The following LRMDA variants were observed in gnomAD, a reference collection of about 807,000 sequenced individuals.
LRMDA encodes the protein leucine-rich melanocyte differentiation-associated protein.
Under a neutral mutation model 29.8 loss-of-function variants are expected in LRMDA, and 18 were observed. The observed-to-expected ratio is 0.60, with a 90% confidence interval of 0.42 to 0.90. LRMDA has a LOEUF of 0.90. LRMDA is among the 40% of genes least tolerant of loss of function. The probability of loss-of-function intolerance (pLI) is 0.00; values close to 1 mark genes in which losing one functional copy is unlikely to be tolerated. For missense variants in LRMDA, 273 were observed against 273.9 expected (o/e 1.00, Z 0.02); for synonymous variants, 125 against 109.4 (o/e 1.14, Z -0.89).
At chr10:76,342,299 A>G (rs1182136213) in intron 6 of LRMDA, among the ~76,000 whole-genome samples, 1 of 152,208 alleles carries the variant, frequency 6.6e-6, no homozygotes. Flanking sequence ...AAAAGATAAC[A>G]TATAAGCCTA....
intron 5 of LRMDA, among the ~76,000 whole-genome samples, chr10:76,309,756 C>T (rs867179115): frequency 6.6e-6 from 1 of 152,122 alleles, no homozygotes; most frequent in Non-Finnish European, 1.5e-5. Context: ...GTTTGCTGTC[C>T]ACCCTCTGGC....
chr10:76,406,468 A>G lies in LRMDA; in HGVS notation c.601+81983A>G, dbSNP rs111759032. Among the ~76,000 whole-genome samples, 125 of 152,366 alleles carry G rather than the reference A, an allele frequency of 8.2e-4. 1 individual carries two copies. The highest frequency in any genetic ancestry group is 2.9e-3 in the African/African-American group (120 of 41,598). ...TTAACAAAATAGCAGTAAGATGTAT[A>G]GGCAGTTGGAGATACCCGTTGAGCC... On this transcript the variant is annotated intron_variant, in intron 6 of 6. Transcript: ENST00000611255.
chr10:75,527,094 A>G (rs1456245365), intron 2 of LRMDA, among the ~76,000 whole-genome samples: 1 of 152,064 alleles, frequency 6.6e-6, no homozygotes, highest in Admixed American at 6.6e-5. Flanking sequence ...AAATTTGCCT[A>G]TTTTGGATAT....
chr10:75,923,470 TAGG>T (rs913276561), intron 2 of LRMDA, among the ~76,000 whole-genome samples: 16 of 152,226 alleles, frequency 1.1e-4, no homozygotes, highest in African/African-American at 3.6e-4. Context: ...AGGAACTCCA[TAGG>T]AGAGGAAAAC....
intron 2 of LRMDA, among the ~76,000 whole-genome samples, chr10:75,644,672 G>T (rs1398691641): frequency 6.6e-6 from 1 of 152,098 alleles, no homozygotes; most frequent in Non-Finnish European, 1.5e-5. Flanking sequence ...TTAGGCTTTT[G>T]TGTGCTAGCT....
At chr10:76,016,141 G>A (rs946916707) in intron 2 of LRMDA, among the ~76,000 whole-genome samples, 6 of 152,142 alleles carry the variant, frequency 3.9e-5, no homozygotes, top group African/African-American at 7.2e-5. Flanking sequence ...TTTAAGTGCA[G>A]CAGTTGTCTA....
In LRMDA at chr10:76,148,786, C is replaced by T. The variant is rs376950993; in HGVS notation, c.516+90003C>T. ...AATCACCCATCTTCTGTGTTGCTCACGCTCGGAGCTGTAGATCGGAGGTGT... is the reference window on the plus strand; with the variant it reads ...AATCACCCATCTTCTGTGTTGCTCATGCTCGGAGCTGTAGATCGGAGGTGT... On this transcript the variant is annotated intron_variant, in intron 5 of 6. Transcript: ENST00000611255. Among the ~76,000 whole-genome samples the T allele has an allele frequency of 2.2e-4, 33 of 152,284 alleles. No individual in the cohort carries two copies. In the East Asian group the frequency reaches 3.7e-3, roughly 17 times the overall value.
chr10:76,376,942 A>G (rs1232657217), intron 6 of LRMDA, among the ~76,000 whole-genome samples: 3 of 121,880 alleles, frequency 2.5e-5, no homozygotes, highest in African/African-American at 9.4e-5. Context: ...CTGGAGTGCA[A>G]TGGCGCGATC....
At chr10:76,420,496 G>T (rs897392782) in intron 6 of LRMDA, among the ~76,000 whole-genome samples, 10 of 151,656 alleles carry the variant, frequency 6.6e-5, no homozygotes, top group Admixed American at 2.0e-4. Flanking sequence ...AAAAGTTTTG[G>T]CTTTGTTGGC....
intron 6 of LRMDA, among the ~76,000 whole-genome samples, chr10:76,465,231 G>T (rs1002001052): frequency 6.6e-6 from 1 of 152,120 alleles, no homozygotes; most frequent in African/African-American, 2.4e-5. Flanking sequence ...GGGTCACCAG[G>T]AATATTTGTG....
intron 2 of LRMDA, among the ~76,000 whole-genome samples, chr10:75,569,029 T>TA (rs1206827805): frequency 1.3e-5 from 2 of 152,166 alleles, no homozygotes; most frequent in East Asian, 3.8e-4. Flanking sequence ...TCTTTGTTGT[T>TA]ACTGGTGGGG....
At chr10:76,546,428 G>T (rs1451181301) in intron 6 of LRMDA, among the ~76,000 whole-genome samples, 1 of 152,166 alleles carries the variant, frequency 6.6e-6, no homozygotes, top group Non-Finnish European at 1.5e-5. Flanking sequence ...TGTCTTATGT[G>T]TGAAAATTCA....
At chr10:75,915,452 T>A (rs1328920789) in intron 2 of LRMDA, among the ~76,000 whole-genome samples, 2 of 151,736 alleles carry the variant, frequency 1.3e-5, no homozygotes, top group African/African-American at 4.8e-5. Context: ...TTTATTTATT[T>A]ATTAATTAAA....
chr10:75,948,342 A>G (rs921712216), intron 2 of LRMDA, among the ~76,000 whole-genome samples: 1 of 152,180 alleles, frequency 6.6e-6, no homozygotes, highest in Admixed American at 6.5e-5. Context: ...TGATATCCCC[A>G]TTATGTGGCA....
intron 5 of LRMDA, among the ~76,000 whole-genome samples, chr10:76,127,330 C>T (rs1029309173): frequency 6.6e-6 from 1 of 152,200 alleles, no homozygotes; most frequent in Non-Finnish European, 1.5e-5. Flanking sequence ...CACTCTTAAC[C>T]AACTTGCATT....
intron 2 of LRMDA, among the ~76,000 whole-genome samples, chr10:75,619,030 C>T (rs180878978): frequency 6.6e-6 from 1 of 152,136 alleles, no homozygotes; most frequent in Admixed American, 6.5e-5. Context: ...ATCTCCTGAC[C>T]TCGTGATCTG....
chr10:75,513,699 CCCGGTGTCACTCCAACCT>C (rs1205251258), intron 2 of LRMDA, among the ~76,000 whole-genome samples: 1 of 152,118 alleles, frequency 6.6e-6, no homozygotes, highest in Non-Finnish European at 1.5e-5. Flanking sequence ...TGGCTCTCGG[CCCGGTGTCACTCCAACCT>C]CCGTTTCTGA....
chr10:75,566,481 T>G (rs1430262933), intron 2 of LRMDA, among the ~76,000 whole-genome samples: 2 of 152,148 alleles, frequency 1.3e-5, no homozygotes, highest in Non-Finnish European at 2.9e-5. Flanking sequence ...CACATAAAAG[T>G]CTAAGAAGCA....
At chr10:76,176,840 G>T (rs1442484803) in intron 5 of LRMDA, among the ~76,000 whole-genome samples, 2 of 152,280 alleles carry the variant, frequency 1.3e-5, no homozygotes, top group Non-Finnish European at 2.9e-5. Flanking sequence ...AACCCAAGAG[G>T]GGTTACAGGT....
Sources: allele counts gnomAD v4.1 joint callset (sites outside exome capture counted in the v4.1 genomes callset), GRCh38; gene constraint gnomAD v4.1.1; transcripts MANE v1.5; gene names NCBI Gene and HGNC (gene_info 2026-07-23, HGNC 2026-07-21).